The following CIITA variants were observed in gnomAD, a reference collection of about 807,000 sequenced individuals.
CIITA encodes the protein class II major histocompatibility complex transactivator.
Under a neutral mutation model 115.1 loss-of-function variants are expected in CIITA, and 72 were observed. The observed-to-expected ratio is 0.63, with a 90% CI of 0.52 to 0.76. The LOEUF is 0.76. CIITA is among the 30% of genes least tolerant of loss of function. The pLI, the probability that CIITA is intolerant of heterozygous loss-of-function variation, is 0.00. For missense variants in CIITA, 1,617 were observed against 1,463.8 expected (o/e 1.10, Z -1.71); for synonymous variants, 763 against 635.6 (o/e 1.20, Z -3.02).
chr16:10,894,396 A>G (rs555169823), intron 1 of CIITA, among the ~76,000 whole-genome samples: 8 of 152,010 alleles, frequency 5.3e-5, no homozygotes, highest in South Asian at 4.1e-4. Context: ...TATTTTGGCT[A>G]TTTTGAATTA....
At chr16:10,883,992 T>C (rs6498117) in intron 1 of CIITA, among the ~76,000 whole-genome samples, 8,111 of 152,030 alleles carry the variant, frequency 0.053, 1,072 homozygotes, top group East Asian at 0.3. Context: ...TGAACCTACA[T>C]TGATGCATCA....
chr16:10,901,715 C>A lies in CIITA; in HGVS notation c.481+157C>A. 5.1e-6 allele frequency: 4 copies of A among 785,766 alleles called. No homozygotes were observed. Among genetic ancestry groups the A allele is most frequent in the Non-Finnish European group, 6.3e-6 (3 of 473,846 alleles). 48.7% of individuals were successfully genotyped at this position (785,766 alleles called of 1,614,324 possible). ...CTGAGAGCTTGGGGTCCCTTAGAGT[C>A]CTCTAAGGGGCTCACGACTGTTTGT... On this transcript the variant is annotated intron_variant, in intron 6 of 19. Coordinates refer to ENST00000324288, the MANE Select transcript of CIITA (RefSeq NM_000246.4). The surrounding 1 kb of genome is among the most constrained non-coding windows in gnomAD (Gnocchi z 6.8).
intron 1 of CIITA, among the ~76,000 whole-genome samples, chr16:10,890,076 G>T (rs899543472): frequency 2.0e-5 from 3 of 152,194 alleles, no homozygotes; most frequent in African/African-American, 7.2e-5. Flanking sequence ...AAGAGGAAGT[G>T]CTTAAGGTGC....
chr16:10,938,733 T>A (rs1280562725), downstream of CIITA: 1 of 152,206 alleles, frequency 6.6e-6, no homozygotes, highest in East Asian at 1.9e-4. The surrounding 1 kb of genome is among the most constrained non-coding windows in gnomAD (Gnocchi z 4.9). Flanking sequence ...GTGCATGGCT[T>A]CCACCACTTC....
chr16:10,909,002 C>T, intron 11 of CIITA, 27 bp from the exon 12 acceptor site: 1 of 1,613,960 alleles, frequency 6.2e-7, no homozygotes, highest in Non-Finnish European at 8.5e-7. Flanking sequence ...GGTCACCGTG[C>T]CTGGGTCTGA....
Position 10,925,715 on chromosome 16 carries a change from T to TAC in CIITA, c.*1869_*1870dup, listed in dbSNP as rs951828504. ...GCACGTGTGTGCACGTACACACACA[T>TAC]ACACACACACGCGTGCACACACCAG... On this transcript the variant is annotated 3_prime_UTR_variant, in exon 20 of 20. Transcript: ENST00000324288. The TAC allele has an allele frequency of 1.3e-5, 2 of 152,262 alleles. No individual in the cohort carries two copies. Among genetic ancestry groups the TAC allele is most frequent in the African/African-American group, 4.8e-5 (2 of 41,452 alleles). 9.4% of individuals were successfully genotyped at this position (152,262 alleles called of 1,614,324 possible). A position where few individuals can be genotyped will look rare whatever the true frequency, so the allele number is the denominator to read the frequency against.
At chr16:10,910,141 C>T (rs776562269) in intron 12 of CIITA, 47 bp from the exon 13 acceptor site, 5 of 1,537,644 alleles carry the variant, frequency 3.3e-6, no homozygotes, top group East Asian at 4.5e-5. Context: ...GGTAAGGGCT[C>T]AGTGACAGCA....
At position 10,931,478 on chromosome 16, in the gene CIITA, G is replaced by A. The variant is rs1250722736; in HGVS notation, c.*7623G>A. The A allele has an allele frequency of 1.3e-5, 2 of 152,186 alleles. No homozygotes were observed. Among genetic ancestry groups the A allele is most frequent in the Non-Finnish European group, 2.9e-5 (2 of 68,044 alleles). 9.4% of individuals were successfully genotyped at this position (152,186 alleles called of 1,614,324 possible). ...TACACGTGGAATTTACTAACACTCC[G>A]GTTTTCATTGTGTTTATCTGTAGGG... On this transcript the variant is annotated 3_prime_UTR_variant, in exon 20 of 20. Transcript: ENST00000324288.
chr16:10,936,504 A>C (rs2041026064), downstream of CIITA: 1 of 152,256 alleles, frequency 6.6e-6, no homozygotes, highest in Non-Finnish European at 1.5e-5. Flanking sequence ...GCACGTGTAC[A>C]TGAGCAAAGT....
Position 10,903,849 on chromosome 16 carries a change from G to T in CIITA, c.891G>T (p.Leu297=). The change falls in exon 9 of 20, where the codon CTG becomes CTT. Residue 297 remains leucine (L), a synonymous_variant. Transcript: ENST00000324288. ...CCTTCGCTCCATCAGCCACTGACCT[G>T]CCCAGCATGCCTGAACCTGCCCTGA... ...TSPFAPSATD[L]PSMPEPALTS... 6.2e-7 allele frequency: 1 copy of T among 1,614,186 alleles called. No homozygotes were observed. Among genetic ancestry groups the T allele is most frequent in the Non-Finnish European group, 8.5e-7 (1 of 1,180,026 alleles).
intron 1 of CIITA, among the ~76,000 whole-genome samples, chr16:10,890,287 CTT>C (rs35831308): frequency 2.1e-5 from 3 of 143,420 alleles, no homozygotes; most frequent in African/African-American, 2.5e-5. Flanking sequence ...CTGTGGGGGC[CTT>C]TTTTTTTTTT....
In CIITA at chr16:10,901,819, G is replaced by A. The variant is rs568219707; in HGVS notation, c.482-219G>A. 4.1e-6 allele frequency: 3 copies of A among 728,520 alleles called. No individual in the cohort carries two copies. The highest frequency in any genetic ancestry group is 2.3e-5 in the Admixed American group (1 of 43,688). 45.1% of individuals were successfully genotyped at this position (728,520 alleles called of 1,614,324 possible). A position where few individuals can be genotyped will look rare whatever the true frequency, so the allele number is the denominator to read the frequency against. ...CCAGCTCTCCGTGTGGAGGCCCTAG[G>A]GTCCTGCTCAGCATAGCTCTCAGAG... is the stretch of plus-strand genomic sequence containing the variant. On this transcript the variant is annotated intron_variant, in intron 6 of 19. Coordinates refer to ENST00000324288, the MANE Select transcript of CIITA (RefSeq NM_000246.4). The surrounding 1 kb of genome is among the most constrained non-coding windows in gnomAD (Gnocchi z 6.8).
intron 1 of CIITA, among the ~76,000 whole-genome samples, chr16:10,883,864 C>A (rs1311634932): frequency 1.3e-5 from 2 of 152,244 alleles, no homozygotes; most frequent in Non-Finnish European, 2.9e-5. Flanking sequence ...AGCACTCAAG[C>A]TGGGACAGCA....
rs2040200118 is a variant in CIITA at position 10,920,274 on chromosome 16, G to A, written c.3149+1748G>A. On this transcript the variant is annotated intron_variant, in intron 16 of 19. Coordinates refer to ENST00000324288, the MANE Select transcript of CIITA (RefSeq NM_000246.4). This position sits in a 1 kb window ranked among gnomAD's most constrained non-coding sequence, Gnocchi z 4.5. ...TCTTTTCTTTTCTTTTTGAGACCAA[G>A]TCTCACTTTATTGCCCAGGCTAAGG... 6.6e-6 allele frequency among the ~76,000 whole-genome samples: 1 copy of A among 152,170 alleles called. No homozygotes were observed. Among genetic ancestry groups the A allele is most frequent in the South Asian group, 2.1e-4 (1 of 4,824 alleles).
chr16:10,904,681 A>G, intron 9 of CIITA, 63 bp from the exon 10 acceptor site: 1 of 1,584,930 alleles, frequency 6.3e-7, no homozygotes, highest in Non-Finnish European at 8.7e-7. Context: ...AGTGGCCCAG[A>G]GGGAGGGGGG....
At chr16:10,906,066 G>A (rs990633455) in intron 10 of CIITA, among the ~76,000 whole-genome samples, 1 of 152,154 alleles carries the variant, frequency 6.6e-6, no homozygotes, top group African/African-American at 2.4e-5. Context: ...GGCAGTGGGC[G>A]CCTGTAGTCC....
In CIITA at chr16:10,908,084, C is replaced by T; in HGVS notation, c.2592C>T (p.Arg864=). 6.2e-7 allele frequency: 1 copy of T among 1,608,590 alleles called. No homozygotes were observed. Among genetic ancestry groups the T allele is most frequent in the Non-Finnish European group, 8.5e-7 (1 of 1,177,502 alleles). ...GCCAAGACTTCTCCCTGGACCTCCG[C>T]AGCACTGGCATTTGCCCCTCTGGAT... ...AAGQDFSLDL[R]STGICPSGLG... Residue 864 remains arginine, a synonymous_variant, in exon 11 of 20, where the codon CGC becomes CGT. Coordinates refer to ENST00000324288, the MANE Select transcript of CIITA (RefSeq NM_000246.4).
At chr16:10,917,554 A>G (rs1487105780) in intron 15 of CIITA, among the ~76,000 whole-genome samples, 1 of 142,088 alleles carries the variant, frequency 7.0e-6, no homozygotes, top group South Asian at 2.2e-4. Flanking sequence ...CGATCTATTT[A>G]TTGCAAACTT....
chr16:10,920,126 G>A lies in CIITA; in HGVS notation c.3149+1600G>A, dbSNP rs1019763521. Among the ~76,000 whole-genome samples, 1 of 152,206 alleles carries A rather than the reference G, an allele frequency of 6.6e-6. No individual in the cohort carries two copies. Among genetic ancestry groups the A allele is most frequent in the African/African-American group, 2.4e-5 (1 of 41,438 alleles). On this transcript the variant is annotated intron_variant, in intron 16 of 19. Transcript: ENST00000324288. This position sits in a 1 kb window ranked among gnomAD's most constrained non-coding sequence, Gnocchi z 4.5. ...ATGGTGGAAGTAGGGGAGGTCAGGG[G>A]AATCCAGATCACACAGGGAGGCCCT...
Sources: gnomAD v4.1 joint callset for allele counts (sites outside exome capture counted in the v4.1 genomes callset) on GRCh38, gnomAD v4.1.1 for gene constraint, Gnocchi (gnomAD v3.1) non-coding constraint, MANE v1.5 for transcripts, NCBI Gene and HGNC (gene_info 2026-07-23, HGNC 2026-07-21) for gene names.